Variants in PRKCE observed in about 807,000 individuals in gnomAD.
PRKCE encodes the protein protein kinase C epsilon type.
A neutral mutation model predicts 85.4 loss-of-function variants in PRKCE; 16 were observed. That is an observed-to-expected ratio of 0.19 (90% CI 0.13 to 0.28). PRKCE has a LOEUF of 0.28. PRKCE is among the 10% of genes least tolerant of loss of function. The pLI is 1.00. For missense variants in PRKCE, 573 were observed against 975.2 expected, an observed-to-expected ratio of 0.59 and a Z score of 5.49; for synonymous variants, 388 against 371.5, an observed-to-expected ratio of 1.04 and a Z score of -0.51.
intron 11 of PRKCE, among the ~76,000 whole-genome samples, chr2:46,130,726 G>A (rs968309525): frequency 2.6e-5 from 4 of 152,166 alleles, no homozygotes; most frequent in African/African-American, 7.2e-5. Flanking sequence ...TGGCTCATTT[G>A]CTGGCCAGCT....
At chr2:46,014,398 T>C (rs1705949144) in intron 10 of PRKCE, among the ~76,000 whole-genome samples, 5 of 152,160 alleles carry the variant, frequency 3.3e-5, no homozygotes, top group Admixed American at 1.3e-4. Flanking sequence ...ATAATTCTTA[T>C]TTTATAAAGG....
intron 1 of PRKCE, among the ~76,000 whole-genome samples, chr2:45,708,512 GCT>G (rs1166683859): frequency 1.3e-5 from 2 of 152,196 alleles, no homozygotes; most frequent in African/African-American, 4.8e-5. Flanking sequence ...CCCTGCACAA[GCT>G]CTCTCTCTTT....
At chr2:45,726,798 C>T (rs1681113917) in intron 1 of PRKCE, among the ~76,000 whole-genome samples, 1 of 152,074 alleles carries the variant, frequency 6.6e-6, no homozygotes, top group Non-Finnish European at 1.5e-5. Context: ...GTCATCAGCC[C>T]TCCTGTTTTC....
At chr2:46,010,542 C>T (rs1705574979) in intron 10 of PRKCE, 25 bp downstream of exon 10, 7 of 1,598,198 alleles carry the variant, frequency 4.4e-6, no homozygotes, top group Non-Finnish European at 5.9e-6. Context: ...AGCTGGCTGG[C>T]TGCCATGTTG....
chr2:45,708,519 C>G (rs1443102617), intron 1 of PRKCE, among the ~76,000 whole-genome samples: 1 of 152,226 alleles, frequency 6.6e-6, no homozygotes, highest in Non-Finnish European at 1.5e-5. Flanking sequence ...CAAGCTCTCT[C>G]TCTTTGACTG....
At chr2:46,133,608 C>T (rs1273934718) in intron 11 of PRKCE, among the ~76,000 whole-genome samples, 1 of 152,164 alleles carries the variant, frequency 6.6e-6, no homozygotes, top group African/African-American at 2.4e-5. Context: ...CATAGAGACC[C>T]TGCCCATCAT....
intron 11 of PRKCE, among the ~76,000 whole-genome samples, chr2:46,106,861 C>T (rs572534297): frequency 6.6e-6 from 1 of 152,356 alleles, no homozygotes; most frequent in East Asian, 1.9e-4. Context: ...CAAATCAGTC[C>T]TATACCAAGT....
At chr2:46,148,073 G>A (rs1019347280) in intron 12 of PRKCE, among the ~76,000 whole-genome samples, 4 of 152,198 alleles carry the variant, frequency 2.6e-5, no homozygotes, top group African/African-American at 9.6e-5. Context: ...GACAGCTTTG[G>A]AGGCATGAGG....
chr2:45,742,256 GA>G (rs1008789844), intron 1 of PRKCE, among the ~76,000 whole-genome samples: 9 of 150,038 alleles, frequency 6.0e-5, no homozygotes, highest in African/African-American at 2.0e-4. Context: ...TAACTCAATA[GA>G]AAAAAAAACA....
chr2:46,018,375 T>C (rs1325709365), intron 10 of PRKCE, among the ~76,000 whole-genome samples: 1 of 151,940 alleles, frequency 6.6e-6, no homozygotes, highest in Admixed American at 6.6e-5. Flanking sequence ...TGAAGCCTCA[T>C]GGGAGCGTAA....
rs543621203 is a variant in PRKCE at position 46,091,094 on chromosome 2, C to T, written c.1592+4732C>T. Among the ~76,000 whole-genome samples the T allele has an allele frequency of 2.0e-5, 3 of 152,108 alleles. No individual in the cohort carries two copies. The South Asian group carries it at 6.2e-4, about 32-fold the overall frequency. Reference sequence around the variant, plus strand: ...TCCTCTGGTTTCTTTTCCCCCTAGACAGCAGAGGGTGCTGTCTCTGTGTCC... The same window carrying T: ...TCCTCTGGTTTCTTTTCCCCCTAGATAGCAGAGGGTGCTGTCTCTGTGTCC... On this transcript the variant is annotated intron_variant, in intron 11 of 14. Coordinates refer to ENST00000306156, the MANE Select transcript of PRKCE (RefSeq NM_005400.3).
At chr2:45,923,847 G>T (rs1026006402) in intron 2 of PRKCE, among the ~76,000 whole-genome samples, 1 of 152,214 alleles carries the variant, frequency 6.6e-6, no homozygotes, top group Admixed American at 6.5e-5. Context: ...AGCATGGAAA[G>T]CAAAGGTGAG....
At position 45,705,848 on chromosome 2, in the gene PRKCE, A is replaced by G. The variant is rs180787240; in HGVS notation, c.348+53400A>G. On this transcript the variant is annotated intron_variant, in intron 1 of 14. Coordinates refer to ENST00000306156, the MANE Select transcript of PRKCE (RefSeq NM_005400.3). Reference sequence around the variant, plus strand: ...GCCTTCTGCCTGGCTTTGTAGCTGAAGATAATGAGTTTGTCCAGTGCAGTG... The same window carrying G: ...GCCTTCTGCCTGGCTTTGTAGCTGAGGATAATGAGTTTGTCCAGTGCAGTG... Among the ~76,000 whole-genome samples the G allele has an allele frequency of 2.9e-3, 435 of 152,290 alleles. 3 individuals carry two copies. Among genetic ancestry groups the G allele is most frequent in the African/African-American group, 8.8e-3 (365 of 41,556 alleles).
At chr2:45,692,636 G>T (rs1677823769) in intron 1 of PRKCE, among the ~76,000 whole-genome samples, 1 of 152,028 alleles carries the variant, frequency 6.6e-6, no homozygotes, top group South Asian at 2.1e-4. Flanking sequence ...TTCAGTGAGG[G>T]AGACTGATGG....
At chr2:45,656,017 T>C (rs942126388) in intron 1 of PRKCE, among the ~76,000 whole-genome samples, 1 of 152,166 alleles carries the variant, frequency 6.6e-6, no homozygotes, top group Non-Finnish European at 1.5e-5. Flanking sequence ...CAGACAATCC[T>C]GTAGTCAGGG....
intron 2 of PRKCE, among the ~76,000 whole-genome samples, chr2:45,906,359 T>C (rs1696973687): frequency 6.6e-6 from 1 of 152,194 alleles, no homozygotes; most frequent in African/African-American, 2.4e-5. Flanking sequence ...GGCAATTGGG[T>C]TAATTAAACC....
At chr2:46,171,415 T>G (rs1181324794) in intron 14 of PRKCE, among the ~76,000 whole-genome samples, 1 of 152,250 alleles carries the variant, frequency 6.6e-6, no homozygotes. Flanking sequence ...GCAACACCGC[T>G]ATTGACAGAA....
intron 1 of PRKCE, among the ~76,000 whole-genome samples, chr2:45,798,431 C>G (rs1051478901): frequency 2.6e-5 from 4 of 152,118 alleles, no homozygotes; most frequent in Non-Finnish European, 4.4e-5. Flanking sequence ...TGCCTGCCCC[C>G]GACTTTTGTG....
chr2:45,921,989 C>G (rs1271500367), intron 2 of PRKCE, among the ~76,000 whole-genome samples: 1 of 152,060 alleles, frequency 6.6e-6, no homozygotes, highest in Non-Finnish European at 1.5e-5. Context: ...TGAACTAAGG[C>G]TCAAATGAGA....
Sources: gnomAD v4.1 joint callset for allele counts (sites outside exome capture counted in the v4.1 genomes callset) on GRCh38, gnomAD v4.1.1 for gene constraint, MANE v1.5 for transcripts, NCBI Gene and HGNC (gene_info 2026-07-23, HGNC 2026-07-21) for gene names.